FBRS: variants seen among roughly 807,000 people sequenced by gnomAD.
FBRS encodes probable fibrosin-1.
FBRS carries 15 observed loss-of-function variants against 86.1 expected under a neutral mutation model. The ratio of observed to expected loss-of-function variants is 0.17; its 90% CI spans 0.12 to 0.27. The LOEUF (loss-of-function observed/expected upper bound fraction) is 0.27, where lower values mean the gene tolerates loss of function less well. FBRS is among the 10% of genes least tolerant of loss of function. The probability of loss-of-function intolerance (pLI) is 1.00; values close to 1 mark genes in which losing one functional copy is unlikely to be tolerated. For missense variants in FBRS, 1,367 were observed against 1,301.6 expected, an observed-to-expected ratio of 1.05 and a Z score of -0.77; for synonymous variants, 666 against 575.8, an observed-to-expected ratio of 1.16 and a Z score of -2.24.
chr16:30,662,437 C>T lies in FBRS; in HGVS notation c.723C>T (p.Leu241=), dbSNP rs755440460. Residue 241 remains leucine, a synonymous_variant, in exon 5 of 18, where the codon CTC becomes CTT. Coordinates refer to ENST00000356166, the MANE Select transcript of FBRS (RefSeq NM_001105079.3). ...DLDERVSDDD[L]DPSFTVSTSK... is the part of the protein sequence containing the mutation. ...TTCCCCAGGTCTCCGATGATGACCTCGACCCATCCTTTACTGTCTCAACCA... is the reference window on the plus strand; with the variant it reads ...TTCCCCAGGTCTCCGATGATGACCTTGACCCATCCTTTACTGTCTCAACCA... The T allele has an allele frequency of 5.2e-6, 8 of 1,550,662 alleles. No individual in the cohort carries two copies. The highest frequency in any genetic ancestry group is 2.4e-5 in the South Asian group (2 of 84,056).
chr16:30,660,914 G>A (rs1390673383), intron 2 of FBRS, among the ~76,000 whole-genome samples: 2 of 152,206 alleles, frequency 1.3e-5, no homozygotes, highest in Non-Finnish European at 2.9e-5. Context: ...GGATGTCTTA[G>A]TCAGGTCCTG....
At chr16:30,668,665 T>TGTGGGG in intron 16 of FBRS, 22 bp downstream of exon 16, 1 of 1,456,698 alleles carries the variant, frequency 6.9e-7, no homozygotes, top group Non-Finnish European at 9.6e-7. Context: ...TGCGGTGGGG[T>TGTGGGG]GGGGGGGCTG....
chr16:30,668,935 T>C lies in FBRS; in HGVS notation c.2322T>C (p.Pro774=), dbSNP rs1366379369. Residue 774 remains proline, a synonymous_variant, in exon 17 of 18, where the codon CCT becomes CCC. Coordinates refer to ENST00000356166, the MANE Select transcript of FBRS (RefSeq NM_001105079.3). ...CTCCAGGCTCAGACAAGGAGCGGCC[T>C]GTGGAGCGGAGGGAGCCCTCCATCA... ...ARTPGSDKER[P]VERREPSITK... is the part of the protein sequence containing the mutation. 5 of 1,590,034 alleles carry C rather than the reference T, an allele frequency of 3.1e-6. No homozygotes were observed. The highest frequency in any genetic ancestry group is 4.3e-6 in the Non-Finnish European group (5 of 1,170,904).
Position 30,664,298 on chromosome 16 carries a change from C to T in FBRS, c.1139C>T (p.Ser380Leu), listed in dbSNP as rs1192318993. ...TCATCCTCTTCGTCCTCCTCCTCCT[C>T]ATCTGCCTCCTCCTCGTCCGCGCAG... The part of the protein sequence containing the change: ...PSSSSSSSSS[S>L]SASSSSAQLT... Residue 380 changes from serine (S) to leucine (L), a missense_variant, in exon 7 of 18, where the codon TCA becomes TTA. Around this residue, in one of 3 missense-constraint regions of FBRS, gnomAD observed 702 missense variants for 598.7 expected, o/e 1.17. Transcript: ENST00000356166. The T allele has an allele frequency of 1.3e-6, 2 of 1,534,920 alleles. No homozygotes were observed. The highest frequency in any genetic ancestry group is 1.4e-5 in the African/African-American group (1 of 72,478).
chr16:30,667,449 C>A lies in FBRS; in HGVS notation c.1993+12C>A. Reference sequence around the variant, plus strand: ...CTTCACTGCGACTGGTGAGTCTGGCCAGCCCCCTCGGGCCTGAGGTTCCCT... The same window carrying A: ...CTTCACTGCGACTGGTGAGTCTGGCAAGCCCCCTCGGGCCTGAGGTTCCCT... On this transcript the variant is annotated intron_variant, in intron 14 of 17. Coordinates refer to ENST00000356166, the MANE Select transcript of FBRS (RefSeq NM_001105079.3). The A allele has an allele frequency of 6.5e-7, 1 of 1,532,300 alleles. No individual in the cohort carries two copies. The highest frequency in any genetic ancestry group is 1.2e-5 in the South Asian group (1 of 83,136). 94.9% of individuals were successfully genotyped at this position (1,532,300 alleles called of 1,614,324 possible).
Position 30,665,335 on chromosome 16 carries a change from C to A in FBRS, c.1638C>A (p.Pro546=). 1 of 1,565,696 alleles carries A rather than the reference C, an allele frequency of 6.4e-7. No homozygotes were observed. The highest frequency in any genetic ancestry group is 2.4e-5 in the East Asian group (1 of 41,840). Residue 546 remains proline, a synonymous_variant, in exon 10 of 18, where the codon CCC becomes CCA. Coordinates refer to ENST00000356166, the MANE Select transcript of FBRS (RefSeq NM_001105079.3). This position sits in a 1 kb window ranked among gnomAD's most constrained non-coding sequence, Gnocchi z 4.1. ...NPYTAFPPAV[P]GLPPGLPPAV... ...ACACGGCCTTCCCTCCCGCAGTGCCCGGGCTGCCTCCGGGCCTCCCGCCGG... is the reference window on the plus strand; with the variant it reads ...ACACGGCCTTCCCTCCCGCAGTGCCAGGGCTGCCTCCGGGCCTCCCGCCGG...
At position 30,659,685 on chromosome 16, in the gene FBRS, C is replaced by T. The variant is rs2052430888; in HGVS notation, c.167C>T (p.Ser56Phe). The T allele has an allele frequency of 2.4e-6, 2 of 824,262 alleles. No homozygotes were observed. Among genetic ancestry groups the T allele is most frequent in the Non-Finnish European group, 3.7e-6 (2 of 546,112 alleles). The allele number at this position is 824,262 out of a possible 1,614,324, so 51.1% of individuals were successfully genotyped here. A position where few individuals can be genotyped will look rare whatever the true frequency, so the allele number is the denominator to read the frequency against. Reference sequence around the variant, plus strand: ...TTGGCCGCCCCGCGCGGCTCCTCGTCCTCGTCGTCGCCGCCGCCGCCCGCC... The same window carrying T: ...TTGGCCGCCCCGCGCGGCTCCTCGTTCTCGTCGTCGCCGCCGCCGCCCGCC... ...ALLAAPRGSS[S>F]SSSPPPPARP... The change falls in exon 1 of 18, where the codon TCC (serine) becomes TTC (phenylalanine). Residue 56 changes from serine to phenylalanine, a missense_variant. By Grantham distance (155) the Ser-to-Phe change is radical (BLOSUM62 -2). This residue lies in a region of FBRS where 702 missense variants were observed against 598.7 expected (regional missense o/e 1.17). Transcript: ENST00000356166.
At chr16:30,664,104 C>T in intron 6 of FBRS, 111 bp from the exon 7 acceptor site, 4 of 1,232,932 alleles carry the variant, frequency 3.2e-6, no homozygotes, top group East Asian at 3.1e-5. Flanking sequence ...TGGGTTCTGC[C>T]ACCTCCCGTG....
In FBRS at chr16:30,662,428, T is replaced by C. The variant is rs1171794003; in HGVS notation, c.714T>C (p.Asp238=). The change falls in exon 5 of 18, where the codon GAT becomes GAC. Residue 238 remains aspartate (D), a synonymous_variant. Coordinates refer to ENST00000356166, the MANE Select transcript of FBRS (RefSeq NM_001105079.3). ...TTGCCCTTCTTCCCCAGGTCTCCGATGATGACCTCGACCCATCCTTTACTG... is the reference window on the plus strand; with the variant it reads ...TTGCCCTTCTTCCCCAGGTCTCCGACGATGACCTCGACCCATCCTTTACTG... ...AESDLDERVS[D]DDLDPSFTVS... 1.3e-6 allele frequency: 2 copies of C among 1,550,624 alleles called. No individual in the cohort carries two copies. Among genetic ancestry groups the C allele is most frequent in the Admixed American group, 2.0e-5 (1 of 51,010 alleles).
intron 13 of FBRS, 104 bp downstream of exon 13, chr16:30,667,094 C>T: frequency 8.3e-7 from 1 of 1,204,060 alleles, no homozygotes; most frequent in Non-Finnish European, 1.2e-6. Context: ...TGGCCAGAAA[C>T]ATTCTCTCCT....
chr16:30,669,228 C>CGCTGCCGCCGCCGCA lies in FBRS; in HGVS notation c.2529_2543dup (p.Ala845_Ala849dup). The CGCTGCCGCCGCCGCA allele has an allele frequency of 6.5e-7, 1 of 1,543,400 alleles. No homozygotes were observed. Among genetic ancestry groups the CGCTGCCGCCGCCGCA allele is most frequent in the Non-Finnish European group, 8.8e-7 (1 of 1,142,348 alleles). On this transcript the variant is annotated inframe_insertion, in exon 18 of 18. Coordinates refer to ENST00000356166, the MANE Select transcript of FBRS (RefSeq NM_001105079.3). The surrounding 1 kb of genome is among the most constrained non-coding windows in gnomAD (Gnocchi z 5.9). ...CCGCTGCCGCTGCTGCTGCCGCCGCCGCTGCCGCCGCCGCAGCAGCCACTG... is the reference window on the plus strand; with the variant it reads ...CCGCTGCCGCTGCTGCTGCCGCCGCCGCTGCCGCCGCCGCAGCTGCCGCCGCCGCAGCAGCCACTG...
Position 30,668,846 on chromosome 16 carries a change from G to A in FBRS, c.2233G>A (p.Gly745Ser), listed in dbSNP as rs1416729102. The stretch of plus-strand genomic sequence containing the variant: ...CTTCGCCTCCCCACCGGACCCATGG[G>A]GCCGCCTGCACCGCAGTCCTCTGAC... ...PAFASPPDPW[G>S]RLHRSPLTFP... The change falls in exon 17 of 18, where the codon GGC becomes AGC. Residue 745 changes from glycine to serine, a missense_variant. Gly to Ser is a moderately conservative substitution (Grantham distance 56, BLOSUM62 0). Around this residue, in one of 3 missense-constraint regions of FBRS, gnomAD observed 659 missense variants for 678.8 expected, o/e 0.97. Transcript: ENST00000356166. 2 of 1,594,280 alleles carry A rather than the reference G, an allele frequency of 1.3e-6. No individual in the cohort carries two copies. Among genetic ancestry groups the A allele is most frequent in the South Asian group, 1.1e-5 (1 of 89,634 alleles).
intron 6 of FBRS, 29 bp from the exon 7 acceptor site, chr16:30,664,186 C>T (rs1262461034): frequency 7.5e-7 from 1 of 1,327,184 alleles, no homozygotes; most frequent in Non-Finnish European, 9.7e-7. Context: ...CTCCCAACCC[C>T]TCACTCATCT....
Position 30,669,551 on chromosome 16 carries a change from C to A in FBRS, c.2849C>A (p.Pro950Gln). ...CCTCACCTTCTCAGCAAGACCCCAC[C>A]GGGAGCCCTTTTGGGGGCACCACCT... ...GTPHLLSKTPPGALLGAPPPL... is the reference protein window; with the variant it reads ...GTPHLLSKTPQGALLGAPPPL... Residue 950 changes from proline to glutamine, a missense_variant, in exon 18 of 18, where the codon CCG (proline) becomes CAG (glutamine). Pro to Gln is a moderately conservative substitution (Grantham distance 76). Coordinates refer to ENST00000356166, the MANE Select transcript of FBRS (RefSeq NM_001105079.3). This position sits in a 1 kb window ranked among gnomAD's most constrained non-coding sequence, Gnocchi z 5.9. 1.2e-6 allele frequency: 2 copies of A among 1,612,860 alleles called. No homozygotes were observed. Among genetic ancestry groups the A allele is most frequent in the South Asian group, 2.2e-5 (2 of 91,084 alleles).
chr16:30,661,610 A>C (rs1378049917), intron 4 of FBRS, among the ~76,000 whole-genome samples: 1 of 152,088 alleles, frequency 6.6e-6, no homozygotes, highest in Non-Finnish European at 1.5e-5. Flanking sequence ...CTGGTTCTCC[A>C]CGGAAACCCA....
In FBRS at chr16:30,670,579, A is replaced by G. The variant is rs985390069; in HGVS notation, c.*934A>G. ...TGGCCAGAGAAGGTCACCATGTACC[A>G]CACACCAAAGAAGGGGGTCGGCCCA... On this transcript the variant is annotated 3_prime_UTR_variant, in exon 18 of 18. Coordinates refer to ENST00000356166, the MANE Select transcript of FBRS (RefSeq NM_001105079.3). 3 of 200,382 alleles carry G rather than the reference A, an allele frequency of 1.5e-5. No individual in the cohort carries two copies. Among genetic ancestry groups the G allele is most frequent in the Non-Finnish European group, 3.1e-5 (3 of 96,296 alleles). 12.4% of individuals were successfully genotyped at this position (200,382 alleles called of 1,614,324 possible).
In FBRS at chr16:30,659,971, C is replaced by G. The variant is rs775482775; in HGVS notation, c.453C>G (p.Ala151=). Residue 151 remains alanine (A), a synonymous_variant, in exon 1 of 18, where the codon GCC becomes GCG. Transcript: ENST00000356166. ...FAIASFATLE[A]LQKDASLQPP... ...TCGCCAGCTTCGCCACCCTCGAGGC[C>G]TTGCAGGTGGGGCCTAATGGGGCTA... 6.5e-7 allele frequency: 1 copy of G among 1,549,732 alleles called. No homozygotes were observed. The highest frequency in any genetic ancestry group is 1.2e-5 in the South Asian group (1 of 84,040).
intron 11 of FBRS, 96 bp from the exon 12 acceptor site, chr16:30,666,416 G>A: frequency 6.7e-7 from 1 of 1,500,292 alleles, no homozygotes; most frequent in South Asian, 1.1e-5. Context: ...CAGTGTCTCA[G>A]GCATGTTGGG....
At position 30,662,717 on chromosome 16, in the gene FBRS, C is replaced by T. The variant is rs751874934; in HGVS notation, c.913C>T (p.Arg305Trp). ...GGAACCACCGCCTCCACCGGTCCCT[C>T]GGCCTCCTGTCTCACCCCCTGCACC... The part of the protein sequence containing the change: ...PKEPPPPPVP[R>W]PPVSPPAPLP... Residue 305 changes from arginine to tryptophan, a missense_variant, in exon 6 of 18, where the codon CGG (arginine) becomes TGG (tryptophan). Physicochemically the swap from Arg to Trp is moderately radical, Grantham distance 101. Transcript: ENST00000356166. 1.3e-6 allele frequency: 2 copies of T among 1,547,736 alleles called. No homozygotes were observed. The highest frequency in any genetic ancestry group is 2.4e-5 in the South Asian group (2 of 83,756).
Sources: gnomAD v4.1 joint callset for allele counts (sites outside exome capture counted in the v4.1 genomes callset) on GRCh38, gnomAD v4.1.1 for gene constraint, gnomAD v4.1.1 regional missense constraint, Gnocchi (gnomAD v3.1) non-coding constraint, MANE v1.5 for transcripts, NCBI Gene and HGNC (gene_info 2026-07-23, HGNC 2026-07-21) for gene names.